Variants in KIF1A observed in about 807,000 individuals in gnomAD.
KIF1A encodes kinesin-like protein KIF1A.
In KIF1A, 46 loss-of-function variants were observed where a neutral mutation model predicts 227.3. The ratio of observed to expected loss-of-function variants is 0.20; its 90% CI spans 0.16 to 0.26. The LOEUF (loss-of-function observed/expected upper bound fraction) is 0.26, where lower values mean the gene tolerates loss of function less well. Ranked by LOEUF, KIF1A falls within the 10% of genes least tolerant of loss-of-function variation. The probability of loss-of-function intolerance (pLI) is 1.00; values close to 1 mark genes in which losing one functional copy is unlikely to be tolerated. For missense variants in KIF1A, 1,683 were observed against 2,485.9 expected (o/e 0.68, Z 6.87); for synonymous variants, 1,022 against 1,012.8 (o/e 1.01, Z -0.17).
rs1406691711 is a variant in KIF1A, at chr2:240,772,570, A to G, written c.1207T>C (p.Leu403=). 1.3e-6 allele frequency: 2 copies of G among 1,546,526 alleles called. No homozygotes were observed. The highest frequency in any genetic ancestry group is 1.7e-6 in the Non-Finnish European group (2 of 1,143,732). The change falls in exon 14 of 49, where the codon TTG becomes CTG. Residue 403 remains leucine, a splice_region_variant and synonymous_variant. Coordinates refer to ENST00000498729, the MANE Select transcript of KIF1A (RefSeq NM_001244008.2). ...AGAGAGCAGCAAAGGGAATACACAC[A>G]TTTGGGTCCTCCAGGCACAGTGTTG... The part of the protein sequence containing the change: ...DTNTVPGGPK[L]TNALVGMSPS...
At position 240,745,362 on chromosome 2, in the gene KIF1A, T is replaced by C. The variant is rs559930709; in HGVS notation, c.3465+65A>G. 6 of 1,239,458 alleles carry C rather than the reference T, an allele frequency of 4.8e-6. No homozygotes were observed. The Admixed American group carries it at 8.9e-5, about 18-fold the overall frequency. 76.8% of individuals were successfully genotyped at this position (1,239,458 alleles called of 1,614,324 possible). ...TGTTCAGAAGAGGGAGAATGAGCCA[T>C]GCTCAGAGAGGCCCTGGGAGGGTCA... On this transcript the variant is annotated intron_variant, in intron 32 of 48. Coordinates refer to ENST00000498729, the MANE Select transcript of KIF1A (RefSeq NM_001244008.2).
At chr2:240,782,471 G>A in intron 10 of KIF1A, 119 bp downstream of exon 10, 4 of 1,116,802 alleles carry the variant, frequency 3.6e-6, no homozygotes, top group Non-Finnish European at 2.6e-6. Context: ...CCACCCCCAC[G>A]TCCCCCATCT....
chr2:240,724,132 C>T lies in KIF1A; in HGVS notation c.4257-96G>A. 2.8e-6 allele frequency: 3 copies of T among 1,068,034 alleles called. No homozygotes were observed. In the East Asian group the frequency reaches 7.1e-5, roughly 25 times the overall value. The allele number at this position is 1,068,034 out of a possible 1,614,324, so 66.2% of individuals were successfully genotyped here. A position where few individuals can be genotyped will look rare whatever the true frequency, so the allele number is the denominator to read the frequency against. On this transcript the variant is annotated intron_variant, in intron 40 of 48. Transcript: ENST00000498729. ...CTGACTTGCCCCACTATCAAACGCACAGTCAGCCTGGCTGGGGTGATGGGG... is the reference window on the plus strand; with the variant it reads ...CTGACTTGCCCCACTATCAAACGCATAGTCAGCCTGGCTGGGGTGATGGGG...
intron 28 of KIF1A, chr2:240,748,727 T>C (rs200369489): frequency 1.2e-3 from 338 of 278,652 alleles, no homozygotes; most frequent in Non-Finnish European, 2.1e-3. Flanking sequence ...CTGGGCCCCC[T>C]GATTCTCAGC....
Position 240,718,153 on chromosome 2 carries a change from C to A in KIF1A, c.5230G>T (p.Ala1744Ser). The A allele has an allele frequency of 6.2e-7, 1 of 1,605,542 alleles. No homozygotes were observed. Among genetic ancestry groups the A allele is most frequent in the Admixed American group, 1.7e-5 (1 of 59,048 alleles). ...ATGCCGCGGTGTTCCGTGCACACCG[C>A]GAATGTGTTGGGTGTCTGCAGAGGG... ...QAMLKTPNTF[A>S]VCTEHRGILL... Residue 1744 changes from alanine (A) to serine (S), a missense_variant, in exon 48 of 49, where the codon GCG (alanine) becomes TCG (serine). By Grantham distance (99) the Ala-to-Ser change is moderately conservative (BLOSUM62 1). Around this residue, in one of 12 missense-constraint regions of KIF1A, gnomAD observed 384 missense variants for 410.1 expected, o/e 0.94. Coordinates refer to ENST00000498729, the MANE Select transcript of KIF1A (RefSeq NM_001244008.2).
intron 15 of KIF1A, 68 bp from the exon 16 acceptor site, chr2:240,769,774 G>T: frequency 3.0e-6 from 4 of 1,330,898 alleles, no homozygotes; most frequent in Non-Finnish European, 4.3e-6. Context: ...ATGGAGACAC[G>T]GGTGCCAGGA....
intron 15 of KIF1A, among the ~76,000 whole-genome samples, chr2:240,770,230 T>C (rs2051765566): frequency 6.6e-6 from 1 of 152,152 alleles, no homozygotes; most frequent in Admixed American, 6.5e-5. Flanking sequence ...GGCGTGTGGC[T>C]CACCTGCCCC....
At chr2:240,767,594 G>A (rs946221730) in intron 17 of KIF1A, among the ~76,000 whole-genome samples, 22 of 152,280 alleles carry the variant, frequency 1.4e-4, no homozygotes, top group African/African-American at 4.8e-4. Flanking sequence ...CCCAAGCCTG[G>A]CACAGCAGCC....
chr2:240,717,477 C>A, intron 48 of KIF1A, 71 bp from the exon 49 acceptor site: 1 of 1,441,648 alleles, frequency 6.9e-7, no homozygotes, highest in South Asian at 1.2e-5. Flanking sequence ...CCGTGCCCTG[C>A]ACAGGCAGGC....
chr2:240,743,957 C>T lies in KIF1A; in HGVS notation c.3569G>A (p.Cys1190Tyr). ...GGGCGCTAACCTGAGCACGTCCTTGCAGAGGGGCGGGAACGGGTGCTGCTG... is the reference window on the plus strand; with the variant it reads ...GGGCGCTAACCTGAGCACGTCCTTGTAGAGGGGCGGGAACGGGTGCTGCTG... ...HYQQHPFPPLCKDVLSPLRPS... is the reference protein window; with the variant it reads ...HYQQHPFPPLYKDVLSPLRPS... The change falls in exon 33 of 49, where the codon TGC (cysteine) becomes TAC (tyrosine). Residue 1190 changes from cysteine (C) to tyrosine (Y), a missense_variant. Coordinates refer to ENST00000498729, the MANE Select transcript of KIF1A (RefSeq NM_001244008.2). The T allele has an allele frequency of 6.2e-7, 1 of 1,613,182 alleles. No homozygotes were observed.
At position 240,779,703 on chromosome 2, in the gene KIF1A, G is replaced by C. The variant is rs374301647; in HGVS notation, c.882+2887C>G. 3.4e-5 allele frequency among the ~76,000 whole-genome samples: 5 copies of C among 147,184 alleles called. No individual in the cohort carries two copies. In the East Asian group the frequency reaches 1.0e-3, roughly 30 times the overall value. ...AGTTCCACACTCACTTCCTCACTCAGTTCCTCACAGTTCCTCACTCAGTTC... is the reference window on the plus strand; with the variant it reads ...AGTTCCACACTCACTTCCTCACTCACTTCCTCACAGTTCCTCACTCAGTTC... On this transcript the variant is annotated intron_variant, in intron 10 of 48. Coordinates refer to ENST00000498729, the MANE Select transcript of KIF1A (RefSeq NM_001244008.2).
At chr2:240,808,210 T>C (rs2057579754) in intron 1 of KIF1A, among the ~76,000 whole-genome samples, 1 of 152,150 alleles carries the variant, frequency 6.6e-6, no homozygotes, top group Admixed American at 6.5e-5. Context: ...GAAACCAAAC[T>C]GTCATTATCT....
In KIF1A at chr2:240,750,425, G is replaced by T; in HGVS notation, c.2977+4C>A. The T allele has an allele frequency of 6.2e-7, 1 of 1,607,684 alleles. No individual in the cohort carries two copies. Among genetic ancestry groups the T allele is most frequent in the Non-Finnish European group, 8.5e-7 (1 of 1,174,460 alleles). On this transcript the variant is annotated splice_donor_region_variant and intron_variant, in intron 28 of 48. Transcript: ENST00000498729. The stretch of plus-strand genomic sequence containing the variant: ...GCCACACACGGCCTTTGGCCCACAC[G>T]CACCTGAGATGGCCTGGACGGCCAC...
chr2:240,746,809 A>G (rs1011565887), intron 29 of KIF1A, among the ~76,000 whole-genome samples: 1 of 152,234 alleles, frequency 6.6e-6, no homozygotes, highest in Non-Finnish European at 1.5e-5. Context: ...TGAGGACCGC[A>G]GGTAGGCAGC....
rs912193189 is a variant in KIF1A, at chr2:240,713,771, T to G, written c.*3593A>C. On this transcript the variant is annotated 3_prime_UTR_variant, in exon 49 of 49. Coordinates refer to ENST00000498729, the MANE Select transcript of KIF1A (RefSeq NM_001244008.2). ...CCACAGCAGAGCCCATGGGACTGTGTTGAGTAAGAGCCACATTTATTTCTT... is the reference window on the plus strand; with the variant it reads ...CCACAGCAGAGCCCATGGGACTGTGGTGAGTAAGAGCCACATTTATTTCTT... 1 of 152,786 alleles carries G rather than the reference T, an allele frequency of 6.5e-6. No homozygotes were observed. The highest frequency in any genetic ancestry group is 1.5e-5 in the Non-Finnish European group (1 of 68,078). 9.5% of individuals were successfully genotyped at this position (152,786 alleles called of 1,614,324 possible). A position where few individuals can be genotyped will look rare whatever the true frequency, so the allele number is the denominator to read the frequency against.
At position 240,788,336 on chromosome 2, in the gene KIF1A, G is replaced by A. The variant is rs1451934561; in HGVS notation, c.184-106C>T. Reference sequence around the variant, plus strand: ...ATGCCCAGGGCCTCAGGGTGCCAGGGCAGCACAGTGGGGAGGGATGCCTGC... The same window carrying A: ...ATGCCCAGGGCCTCAGGGTGCCAGGACAGCACAGTGGGGAGGGATGCCTGC... On this transcript the variant is annotated intron_variant, in intron 3 of 48. Transcript: ENST00000498729. This position sits in a 1 kb window ranked among gnomAD's most constrained non-coding sequence, Gnocchi z 6.6. The A allele has an allele frequency of 4.8e-6, 5 of 1,034,350 alleles. No homozygotes were observed. The highest frequency in any genetic ancestry group is 7.3e-6 in the Non-Finnish European group (5 of 682,796). 64.1% of individuals were successfully genotyped at this position (1,034,350 alleles called of 1,614,324 possible). A position where few individuals can be genotyped will look rare whatever the true frequency, so the allele number is the denominator to read the frequency against.
At chr2:240,723,229 A>C (rs2045619720) in intron 42 of KIF1A, among the ~76,000 whole-genome samples, 184 bp downstream of exon 42, 1 of 152,056 alleles carries the variant, frequency 6.6e-6, no homozygotes, top group Non-Finnish European at 1.5e-5. Context: ...TTTCTGTCAT[A>C]CACCACGCAG....
rs2055992051 is a variant in KIF1A, at chr2:240,793,466, G to GT, written c.107-4155dup. ...GGGCCGCACATGGCTGAGGGTCCGC[G>GT]TCCCCAGCCAGCCTCCAGCATCTGC... On this transcript the variant is annotated intron_variant, in intron 2 of 48. Transcript: ENST00000498729. This position sits in a 1 kb window ranked among gnomAD's most constrained non-coding sequence, Gnocchi z 4.8. 6.6e-6 allele frequency among the ~76,000 whole-genome samples: 1 copy of GT among 152,152 alleles called. No homozygotes were observed. The highest frequency in any genetic ancestry group is 6.5e-5 in the Admixed American group (1 of 15,282).
Position 240,793,097 on chromosome 2 carries a change from A to T in KIF1A, c.107-3785T>A, listed in dbSNP as rs2055930066. 6.6e-6 allele frequency among the ~76,000 whole-genome samples: 1 copy of T among 152,166 alleles called. No homozygotes were observed. The highest frequency in any genetic ancestry group is 1.5e-5 in the Non-Finnish European group (1 of 68,022). On this transcript the variant is annotated intron_variant, in intron 2 of 48. Transcript: ENST00000498729. The surrounding 1 kb of genome is among the most constrained non-coding windows in gnomAD (Gnocchi z 4.8). ...CTGTAACAGCAGCCCCAGGGACCAC[A>T]CGGGTGCTACTGCTGCCCGTGCAGA...
Sources: allele counts gnomAD v4.1 joint callset (sites outside exome capture counted in the v4.1 genomes callset), GRCh38; gene constraint gnomAD v4.1.1; regional missense constraint gnomAD v4.1.1; non-coding constraint Gnocchi (gnomAD v3.1); transcripts MANE v1.5; gene names NCBI Gene and HGNC (gene_info 2026-07-23, HGNC 2026-07-21).